Variants in PPARD observed in about 807,000 individuals in gnomAD.
PPARD encodes the protein peroxisome proliferator-activated receptor delta.
Under a neutral mutation model 39.5 loss-of-function variants are expected in PPARD, and 6 were observed. The ratio of observed to expected loss-of-function variants is 0.15; its 90% CI spans 0.08 to 0.30. PPARD has a LOEUF of 0.30. PPARD is among the 10% of genes least tolerant of loss of function. The pLI is 1.00. For missense variants in PPARD, 397 were observed against 596.8 expected, an observed-to-expected ratio of 0.67 and a Z score of 3.49; for synonymous variants, 210 against 231.3, an observed-to-expected ratio of 0.91 and a Z score of 0.83.
rs1415791616 is a variant in PPARD, at chr6:35,380,489, T to G, written c.-101-30498T>G. 9.6e-3 allele frequency among the ~76,000 whole-genome samples: 1,230 copies of G among 128,528 alleles called. 36 individuals carry two copies. Among genetic ancestry groups the G allele is most frequent in the African/African-American group, 0.04 (1,125 of 28,368 alleles). The allele number at this position is 128,528 out of a possible 152,430, so 84.3% of individuals were successfully genotyped here. A position where few individuals can be genotyped will look rare whatever the true frequency, so the allele number is the denominator to read the frequency against. On this transcript the variant is annotated intron_variant, in intron 2 of 7. Transcript: ENST00000360694. ...TTTTTTTTGTTTGTTTTTTTTTTTT[T>G]TTTTTTTTTTTTTTTTTGAGACAAG...
At position 35,374,312 on chromosome 6, in the gene PPARD, G is replaced by GGT. The variant is rs1562185063; in HGVS notation, c.-102+27162_-102+27163insGT. Among the ~76,000 whole-genome samples, 14 of 133,086 alleles carry GGT rather than the reference G, an allele frequency of 1.1e-4. 1 individual carries two copies. Among genetic ancestry groups the GGT allele is most frequent in the Middle Eastern group, 7.5e-3 (2 of 268 alleles). The allele number at this position is 133,086 out of a possible 152,430, so 87.3% of individuals were successfully genotyped here. A position where few individuals can be genotyped will look rare whatever the true frequency, so the allele number is the denominator to read the frequency against. On this transcript the variant is annotated intron_variant, in intron 2 of 7. Coordinates refer to ENST00000360694, the MANE Select transcript of PPARD (RefSeq NM_006238.5). ...GTCATGGTTAGTTCTCGGCGGTGGGGCGGGGGGGTTTAGTGGGCAATTGCT... is the reference window on the plus strand; with the variant it reads ...GTCATGGTTAGTTCTCGGCGGTGGGGGTCGGGGGGGTTTAGTGGGCAATTGCT...
intron 2 of PPARD, among the ~76,000 whole-genome samples, chr6:35,371,029 C>T (rs1039852860): frequency 1.3e-5 from 2 of 152,204 alleles, no homozygotes; most frequent in Admixed American, 6.5e-5. Flanking sequence ...GATGCTGCCT[C>T]ATGTAACTTG....
At chr6:35,356,556 T>C (rs79655210) in intron 2 of PPARD, among the ~76,000 whole-genome samples, 3,195 of 152,332 alleles carry the variant, frequency 0.021, 66 homozygotes, top group African/African-American at 0.052. Context: ...TCCTCTGGTG[T>C]AGGATTTCTC....
rs1443478307 is a variant in PPARD at position 35,374,612 on chromosome 6, C to T, written c.-102+27462C>T. 3.7e-4 allele frequency among the ~76,000 whole-genome samples: 56 copies of T among 149,752 alleles called. 1 individual carries two copies. Among genetic ancestry groups the T allele is most frequent in the Admixed American group, 7.3e-4 (11 of 14,998 alleles). ...CACAGAGCTTGCAGTGAGCTGAGAT[C>T]GCGCCCCTGCACTCCAGCCTGGGCG... On this transcript the variant is annotated intron_variant, in intron 2 of 7. Transcript: ENST00000360694.
intron 2 of PPARD, among the ~76,000 whole-genome samples, chr6:35,395,129 T>C (rs1764243065): frequency 6.6e-6 from 1 of 152,186 alleles, no homozygotes; most frequent in South Asian, 2.1e-4. Flanking sequence ...TTCAGATGCA[T>C]TGAACTGCCT....
rs1360190140 is a variant in PPARD, at chr6:35,348,694, G to A, written c.-102+1544G>A. ...TGAGTCCCTGTGTCTCTCTGTCTGT[G>A]GGGGTCAGGTTGTTTGTAGATCTTT... On this transcript the variant is annotated intron_variant, in intron 2 of 7. Coordinates refer to ENST00000360694, the MANE Select transcript of PPARD (RefSeq NM_006238.5). 4.1e-6 allele frequency: 4 copies of A among 985,240 alleles called. No individual in the cohort carries two copies. The African/African-American group carries it at 7.0e-5, about 17-fold the overall frequency. The allele number at this position is 985,240 out of a possible 1,614,324, so 61.0% of individuals were successfully genotyped here. A position where few individuals can be genotyped will look rare whatever the true frequency, so the allele number is the denominator to read the frequency against.
chr6:35,377,653 A>G (rs1762887077), intron 2 of PPARD, among the ~76,000 whole-genome samples: 1 of 152,152 alleles, frequency 6.6e-6, no homozygotes, highest in African/African-American at 2.4e-5. Flanking sequence ...TCCGGCATGC[A>G]GTAACCCTGA....
chr6:35,380,459 GTTTTTTTTTTT>G (rs11334296), intron 2 of PPARD, among the ~76,000 whole-genome samples: 1 of 97,114 alleles, frequency 1.0e-5, no homozygotes, highest in African/African-American at 3.4e-5. Context: ...TTAACCTCGT[GTTTTTTTTTTT>G]TGTTTGTTTT....
At chr6:35,396,629 GAC>G (rs1764338515) in intron 2 of PPARD, among the ~76,000 whole-genome samples, 1 of 150,534 alleles carries the variant, frequency 6.6e-6, no homozygotes. Context: ...AGGAGACAGA[GAC>G]CATCCTGGTT....
At chr6:35,399,961 G>T (rs953120525) in intron 2 of PPARD, among the ~76,000 whole-genome samples, 1 of 152,120 alleles carries the variant, frequency 6.6e-6, no homozygotes, top group African/African-American at 2.4e-5. Flanking sequence ...AAATAACATT[G>T]CAGTGAACAG....
chr6:35,347,522 A>G (rs987303781), intron 2 of PPARD, among the ~76,000 whole-genome samples: 7 of 152,076 alleles, frequency 4.6e-5, no homozygotes, highest in African/African-American at 1.7e-4. Flanking sequence ...CTTTGCCTAT[A>G]TGGGTACCTA....
chr6:35,414,015 A>G (rs1167720749), intron 3 of PPARD, among the ~76,000 whole-genome samples: 1 of 152,052 alleles, frequency 6.6e-6, no homozygotes, highest in Non-Finnish European at 1.5e-5. Context: ...TCCCACTTCT[A>G]GGAACGTGTC....
At chr6:35,423,546 GAA>G (rs1480770179) in intron 5 of PPARD, among the ~76,000 whole-genome samples, 2 of 150,554 alleles carry the variant, frequency 1.3e-5, no homozygotes, top group Non-Finnish European at 3.0e-5. Context: ...AAAAAAAAAA[GAA>G]AAGAAAAAGA....
Position 35,425,884 on chromosome 6 carries a change from C to A in PPARD, c.1131C>A (p.Ile377=). 6.2e-7 allele frequency: 1 copy of A among 1,614,160 alleles called. No individual in the cohort carries two copies. Among genetic ancestry groups the A allele is most frequent in the South Asian group, 1.1e-5 (1 of 91,086 alleles). ...VPRVEAIQDT[I]LRALEFHLQA... ...GGGTGGAGGCTATCCAGGACACCAT[C>A]CTGCGTGCCCTCGAATTCCACCTGC... The change falls in exon 8 of 8, where the codon ATC becomes ATA. Residue 377 remains isoleucine (I), a synonymous_variant. Coordinates refer to ENST00000360694, the MANE Select transcript of PPARD (RefSeq NM_006238.5). This position sits in a 1 kb window ranked among gnomAD's most constrained non-coding sequence, Gnocchi z 4.5.
At chr6:35,362,779 T>C (rs186137705) in intron 2 of PPARD, among the ~76,000 whole-genome samples, 1 of 152,200 alleles carries the variant, frequency 6.6e-6, no homozygotes, top group Non-Finnish European at 1.5e-5. Context: ...GGGGCCCAGA[T>C]AGGGGCCAGA....
At chr6:35,357,412 G>C (rs921074442) in intron 2 of PPARD, among the ~76,000 whole-genome samples, 4 of 152,146 alleles carry the variant, frequency 2.6e-5, no homozygotes, top group Admixed American at 6.5e-5. Context: ...CGCACATCCT[G>C]GTATGTAGTG....
chr6:35,422,165 A>G (rs1268988160), intron 5 of PPARD, among the ~76,000 whole-genome samples: 1 of 152,204 alleles, frequency 6.6e-6, no homozygotes, highest in Non-Finnish European at 1.5e-5. Context: ...GACTGCCAGC[A>G]TCTACCATGG....
chr6:35,396,533 T>TAAAAA lies in PPARD; in HGVS notation c.-101-14443_-101-14439dup, dbSNP rs34707184. Reference sequence around the variant, plus strand: ...TTCTTCTTCTTTAAATTGTTTTTATTAAAAAAAAAAAAAAAGGCCAGGCGT... The same window carrying TAAAAA: ...TTCTTCTTCTTTAAATTGTTTTTATTAAAAAAAAAAAAAAAAAAAAGGCCAGGCGT... On this transcript the variant is annotated intron_variant, in intron 2 of 7. Transcript: ENST00000360694. Among the ~76,000 whole-genome samples the TAAAAA allele has an allele frequency of 1.0e-3, 114 of 110,002 alleles. 2 individuals carry two copies. Among genetic ancestry groups the TAAAAA allele is most frequent in the African/African-American group, 3.6e-3 (106 of 29,518 alleles). 72.2% of individuals were successfully genotyped at this position (110,002 alleles called of 152,430 possible). A position where few individuals can be genotyped will look rare whatever the true frequency, so the allele number is the denominator to read the frequency against.
rs761100947 is a variant in PPARD at position 35,424,136 on chromosome 6, C to T, written c.615C>T (p.Ala205=). 5 of 1,612,786 alleles carry T rather than the reference C, an allele frequency of 3.1e-6. No individual in the cohort carries two copies. In the African/African-American group the frequency reaches 5.3e-5, roughly 17 times the overall value. ...CCCGCAGCATCCTCACCGGCAAAGC[C>T]AGCCACACGGCGGTGAGTGTTGCTG... is the stretch of plus-strand genomic sequence containing the variant. ...KKARSILTGK[A]SHTAPFVIHD... The change falls in exon 6 of 8, where the codon GCC becomes GCT. Residue 205 remains alanine (A), a synonymous_variant. Transcript: ENST00000360694. This position sits in a 1 kb window ranked among gnomAD's most constrained non-coding sequence, Gnocchi z 7.1.
Sources: allele counts gnomAD v4.1 joint callset (sites outside exome capture counted in the v4.1 genomes callset), GRCh38; gene constraint gnomAD v4.1.1; non-coding constraint Gnocchi (gnomAD v3.1); transcripts MANE v1.5; gene names NCBI Gene and HGNC (gene_info 2026-07-23, HGNC 2026-07-21).